Variants in DSCAM observed in about 807,000 individuals in gnomAD.
The protein encoded by DSCAM is DS cell adhesion molecule.
Under a neutral mutation model 217.7 loss-of-function variants are expected in DSCAM, and 47 were observed. The observed-to-expected ratio is 0.22, with a 90% confidence interval of 0.17 to 0.28. The LOEUF (loss-of-function observed/expected upper bound fraction) is 0.28, where lower values mean the gene tolerates loss of function less well. Ranked by LOEUF, DSCAM falls within the 10% of genes least tolerant of loss-of-function variation. The probability of loss-of-function intolerance (pLI) is 1.00; values close to 1 mark genes in which losing one functional copy is unlikely to be tolerated. For missense variants in DSCAM, 2,080 were observed against 2,618.3 expected, an observed-to-expected ratio of 0.79 and a Z score of 4.49; for synonymous variants, 1,056 against 1,015.3, an observed-to-expected ratio of 1.04 and a Z score of -0.76.
intron 1 of DSCAM, among the ~76,000 whole-genome samples, chr21:40,725,007 A>C (rs957702120): frequency 5.9e-5 from 9 of 152,330 alleles, no homozygotes; most frequent in South Asian, 2.1e-4. Flanking sequence ...ATGAGTGATG[A>C]CAATTTTTAA....
intron 20 of DSCAM, among the ~76,000 whole-genome samples, chr21:40,112,779 T>C (rs2089916671): frequency 6.6e-6 from 1 of 152,156 alleles, no homozygotes; most frequent in African/African-American, 2.4e-5. Context: ...CAGAGAATAC[T>C]ATACACACCT....
chr21:40,296,073 C>G lies in DSCAM; in HGVS notation c.2164G>C (p.Val722Leu), dbSNP rs77295141. Residue 722 changes from valine to leucine, a missense_variant, in exon 10 of 33, where the codon GTG becomes CTG. Around this residue, in one of 5 missense-constraint regions of DSCAM, gnomAD observed 218 missense variants for 364.1 expected, o/e 0.60. Coordinates refer to ENST00000400454, the MANE Select transcript of DSCAM (RefSeq NM_001389.5). ...SAEGYPVPTI[V>L]WKFSKGAGVP... is the part of the protein sequence containing the mutation. Reference sequence around the variant, plus strand: ...TCCATACCTTTAGAGAATTTCCACACGATGGTAGGTACAGGGTAACCCTCA... The same window carrying G: ...TCCATACCTTTAGAGAATTTCCACAGGATGGTAGGTACAGGGTAACCCTCA... 5.0e-6 allele frequency: 8 copies of G among 1,613,584 alleles called. No individual in the cohort carries two copies. In the Admixed American group the frequency reaches 6.7e-5, roughly 13 times the overall value.
intron 27 of DSCAM, among the ~76,000 whole-genome samples, 159 bp from the exon 28 acceptor site, chr21:40,063,058 T>A (rs1325045714): frequency 2.6e-5 from 4 of 152,220 alleles, no homozygotes; most frequent in Non-Finnish European, 4.4e-5. Context: ...ATGGAGTCCT[T>A]ATTTCTTCTA....
intron 1 of DSCAM, among the ~76,000 whole-genome samples, chr21:40,841,950 G>A (rs1260047615): frequency 1.3e-5 from 2 of 152,196 alleles, no homozygotes; most frequent in Non-Finnish European, 2.9e-5. Context: ...GCCTTTGCCC[G>A]GTTCCTGTTA....
chr21:40,479,641 C>G (rs368668770), intron 3 of DSCAM, among the ~76,000 whole-genome samples: 3 of 152,206 alleles, frequency 2.0e-5, no homozygotes, highest in African/African-American at 7.2e-5. Flanking sequence ...TTCACTATCA[C>G]GAGAACAGCA....
intron 1 of DSCAM, among the ~76,000 whole-genome samples, chr21:40,764,046 A>G (rs1416754463): frequency 6.6e-6 from 1 of 152,236 alleles, no homozygotes; most frequent in Non-Finnish European, 1.5e-5. Flanking sequence ...CAAAGACTTC[A>G]TGAGTAAAAC....
rs746027341 is a variant in DSCAM, at chr21:40,052,062, G to A, written c.5081C>T (p.Ala1694Val). Residue 1694 changes from alanine to valine, a missense_variant, in exon 30 of 33, where the codon GCA (alanine) becomes GTA (valine). This residue lies in a region of DSCAM where 1,144 missense variants were observed against 1,421.1 expected (regional missense o/e 0.81). Coordinates refer to ENST00000400454, the MANE Select transcript of DSCAM (RefSeq NM_001389.5). Reference sequence around the variant, plus strand: ...GACCGTCAGGGACTTCTGCTTAGCTGCCTCTCCAAAGTCAGCATCCGTCAA... The same window carrying A: ...GACCGTCAGGGACTTCTGCTTAGCTACCTCTCCAAAGTCAGCATCCGTCAA... ...VLLTDADFGE[A>V]AKQKSLTVTH... 1 of 1,614,080 alleles carries A rather than the reference G, an allele frequency of 6.2e-7. No homozygotes were observed. Among genetic ancestry groups the A allele is most frequent in the Non-Finnish European group, 8.5e-7 (1 of 1,180,004 alleles).
chr21:40,201,426 C>T (rs2091068626), intron 11 of DSCAM, among the ~76,000 whole-genome samples: 1 of 151,734 alleles, frequency 6.6e-6, no homozygotes, highest in Non-Finnish European at 1.5e-5. Context: ...CTATATTTTG[C>T]CCAATAAGAA....
intron 3 of DSCAM, among the ~76,000 whole-genome samples, chr21:40,519,251 C>T (rs1273853483): frequency 1.3e-5 from 2 of 152,084 alleles, no homozygotes; most frequent in African/African-American, 4.8e-5. Flanking sequence ...CCAGTTATTT[C>T]ATCAAACACG....
chr21:40,355,265 G>A (rs1288873789), intron 4 of DSCAM, among the ~76,000 whole-genome samples: 1 of 152,200 alleles, frequency 6.6e-6, no homozygotes, highest in Non-Finnish European at 1.5e-5. Flanking sequence ...TGAGAAGATG[G>A]TATTTGAGAT....
Position 40,438,820 on chromosome 21 carries a change from G to T in DSCAM, c.509-69575C>A, listed in dbSNP as rs534564130. On this transcript the variant is annotated intron_variant, in intron 3 of 32. Coordinates refer to ENST00000400454, the MANE Select transcript of DSCAM (RefSeq NM_001389.5). ...CATACATGCTGAGAGCTTGGTTCCT[G>T]GAGTTGGATTCACAGATTTCACCCC... 3.9e-5 allele frequency among the ~76,000 whole-genome samples: 6 copies of T among 152,200 alleles called. No homozygotes were observed. In the South Asian group the frequency reaches 1.2e-3, roughly 32 times the overall value.
intron 20 of DSCAM, among the ~76,000 whole-genome samples, chr21:40,110,782 A>G (rs1199789983): frequency 6.6e-6 from 1 of 152,242 alleles, no homozygotes; most frequent in South Asian, 2.1e-4. Context: ...AAGCCTCAGT[A>G]GCTGATTCAA....
At chr21:40,554,726 GAACA>G (rs1379153154) in intron 3 of DSCAM, among the ~76,000 whole-genome samples, 1 of 152,168 alleles carries the variant, frequency 6.6e-6, no homozygotes, top group Non-Finnish European at 1.5e-5. Context: ...GAAGATGACA[GAACA>G]AACTATATGT....
At position 40,137,262 on chromosome 21, in the gene DSCAM, T is replaced by G. The variant is rs796420530; in HGVS notation, c.3407-3253A>C. On this transcript the variant is annotated intron_variant, in intron 18 of 32. Coordinates refer to ENST00000400454, the MANE Select transcript of DSCAM (RefSeq NM_001389.5). ...TTAATATACTAATTAGAATTAACAT[T>G]GGGGGGGGGGTTCAAGTTATTTTGA... 2.7e-3 allele frequency among the ~76,000 whole-genome samples: 354 copies of G among 133,182 alleles called. 2 individuals carry two copies. Among genetic ancestry groups the G allele is most frequent in the African/African-American group, 8.8e-3 (312 of 35,612 alleles). 87.4% of individuals were successfully genotyped at this position (133,182 alleles called of 152,430 possible). A position where few individuals can be genotyped will look rare whatever the true frequency, so the allele number is the denominator to read the frequency against.
chr21:40,292,765 T>C (rs1390512331), intron 10 of DSCAM, among the ~76,000 whole-genome samples: 2 of 151,980 alleles, frequency 1.3e-5, no homozygotes, highest in Non-Finnish European at 2.9e-5. Flanking sequence ...TTTTTTGAGA[T>C]GGAGTCTCGC....
At chr21:40,342,035 G>A (rs2074497727) in intron 6 of DSCAM, among the ~76,000 whole-genome samples, 1 of 152,108 alleles carries the variant, frequency 6.6e-6, no homozygotes, top group East Asian at 1.9e-4. Context: ...ATTTTTCCCA[G>A]AAATACCGTG....
intron 20 of DSCAM, among the ~76,000 whole-genome samples, chr21:40,115,701 G>C (rs1568948465): frequency 6.6e-6 from 1 of 152,212 alleles, no homozygotes; most frequent in Non-Finnish European, 1.5e-5. Context: ...ATACACTGTT[G>C]ATGGGAGTAT....
chr21:40,412,756 A>G (rs1473903362), intron 3 of DSCAM, among the ~76,000 whole-genome samples: 1 of 152,246 alleles, frequency 6.6e-6, no homozygotes, highest in Admixed American at 6.5e-5. Flanking sequence ...AGTTTGCTGC[A>G]GAAATTTGAA....
At chr21:40,485,755 T>C (rs1360375671) in intron 3 of DSCAM, among the ~76,000 whole-genome samples, 9 of 152,166 alleles carry the variant, frequency 5.9e-5, no homozygotes, top group African/African-American at 1.9e-4. Context: ...ATCTTAAACC[T>C]GTATACTTAA....
Sources: allele counts gnomAD v4.1 joint callset (sites outside exome capture counted in the v4.1 genomes callset), GRCh38; gene constraint gnomAD v4.1.1; regional missense constraint gnomAD v4.1.1; transcripts MANE v1.5; gene names NCBI Gene and HGNC (gene_info 2026-07-23, HGNC 2026-07-21).